PCDHGA8: variants seen among roughly 807,000 people sequenced by gnomAD.
The protein encoded by PCDHGA8 is protocadherin gamma-A8.
PCDHGA8 carries 45 observed loss-of-function variants against 59.2 expected under a neutral mutation model. That is an observed-to-expected ratio of 0.76 (90% CI 0.60 to 0.98). The LOEUF is 0.98. Ranked by LOEUF, PCDHGA8 falls within the 50% of genes least tolerant of loss-of-function variation. The pLI is 0.00. For missense variants in PCDHGA8, 1,257 were observed against 1,196.2 expected (o/e 1.05, Z -0.75); for synonymous variants, 531 against 519.0 (o/e 1.02, Z -0.32).
At chr5:141,501,147 G>A (rs1166199034) in intron 2 of PCDHGA8, among the ~76,000 whole-genome samples, 1 of 152,142 alleles carries the variant, frequency 6.6e-6, no homozygotes, top group Non-Finnish European at 1.5e-5. Context: ...GATTACAGGT[G>A]GGAGCCACCA....
intron 1 of PCDHGA8, chr5:141,414,273 G>A: frequency 6.2e-7 from 1 of 1,613,418 alleles, no homozygotes; most frequent in Non-Finnish European, 8.5e-7. Flanking sequence ...ATTCACCTCT[G>A]GGAACAGTCG....
At chr5:141,437,659 C>T (rs1006268414) in intron 1 of PCDHGA8, among the ~76,000 whole-genome samples, 10 of 151,870 alleles carry the variant, frequency 6.6e-5, no homozygotes, top group East Asian at 3.9e-4. Context: ...CACATAGTTT[C>T]GAAGAGATGT....
rs199658498 is a variant in PCDHGA8 at position 141,394,428 on chromosome 5, G to C, written c.1615G>C (p.Asp539His). 4 of 1,614,114 alleles carry C rather than the reference G, an allele frequency of 2.5e-6. No individual in the cohort carries two copies. In the East Asian group the frequency reaches 6.7e-5, roughly 27 times the overall value. Reference protein sequence around the residue: ...QLLVTASDSGDPPLSSNMSLS... With the variant: ...QLLVTASDSGHPPLSSNMSLS... ...ACTGGTAACAGCCAGCGACAGCGGGGACCCGCCCCTCAGCAGCAACATGTC... is the reference window on the plus strand; with the variant it reads ...ACTGGTAACAGCCAGCGACAGCGGGCACCCGCCCCTCAGCAGCAACATGTC... The change falls in exon 1 of 4, where the codon GAC becomes CAC. Residue 539 changes from aspartate (D) to histidine (H), a missense_variant. Coordinates refer to ENST00000398604, the MANE Select transcript of PCDHGA8 (RefSeq NM_032088.2).
chr5:141,425,057 C>T (rs926732426), intron 1 of PCDHGA8, among the ~76,000 whole-genome samples: 4 of 152,026 alleles, frequency 2.6e-5, no homozygotes, highest in African/African-American at 4.8e-5. Flanking sequence ...ATCTAGGGCT[C>T]GGACAAAAAT....
At position 141,485,565 on chromosome 5, in the gene PCDHGA8, C is replaced by T. The variant is rs1213821989; in HGVS notation, c.2425-9242C>T. The T allele has an allele frequency of 2.5e-6, 4 of 1,612,946 alleles. No homozygotes were observed. Among genetic ancestry groups the T allele is most frequent in the Non-Finnish European group, 2.5e-6 (3 of 1,179,042 alleles). On this transcript the variant is annotated intron_variant, in intron 1 of 3. Coordinates refer to ENST00000398604, the MANE Select transcript of PCDHGA8 (RefSeq NM_032088.2). The surrounding 1 kb of genome is among the most constrained non-coding windows in gnomAD (Gnocchi z 5.7). ...ATCGTAGATGTGAATGATCACGCCCCCCGTTTTCCGCGGCAGCAGCTGGAC... is the reference window on the plus strand; with the variant it reads ...ATCGTAGATGTGAATGATCACGCCCTCCGTTTTCCGCGGCAGCAGCTGGAC...
At chr5:141,481,913 C>CAA (rs34114744) in intron 1 of PCDHGA8, among the ~76,000 whole-genome samples, 26 of 90,736 alleles carry the variant, frequency 2.9e-4, no homozygotes, top group Non-Finnish European at 3.5e-4. Context: ...AACTCCATCT[C>CAA]AAAAAAAAAA....
In PCDHGA8 at chr5:141,512,501, G is replaced by A. The variant is rs1474842711; in HGVS notation, c.*1328G>A. The A allele has an allele frequency of 6.5e-6, 1 of 152,914 alleles. No homozygotes were observed. The highest frequency in any genetic ancestry group is 1.5e-5 in the Non-Finnish European group (1 of 68,258). The allele number at this position is 152,914 out of a possible 1,614,324, so 9.5% of individuals were successfully genotyped here. On this transcript the variant is annotated 3_prime_UTR_variant, in exon 4 of 4. Transcript: ENST00000398604. The stretch of plus-strand genomic sequence containing the variant: ...GAAGGCCACTGCCCAGGTCCCCAGT[G>A]CGCCCCCTAGTGGCCATAGCCTGGT...
intron 1 of PCDHGA8, among the ~76,000 whole-genome samples, chr5:141,483,648 TTGTGTGTG>T (rs111458813): frequency 6.7e-6 from 1 of 149,592 alleles, no homozygotes; most frequent in Non-Finnish European, 1.5e-5. Flanking sequence ...GGGTGTGTGT[TTGTGTGTG>T]TGTGTGTGTG....
chr5:141,401,356 G>A (rs1274587222), intron 1 of PCDHGA8, among the ~76,000 whole-genome samples: 1 of 152,070 alleles, frequency 6.6e-6, no homozygotes, highest in Non-Finnish European at 1.5e-5. Flanking sequence ...AAAAAGGAAG[G>A]AGAAGGAGAG....
At chr5:141,409,201 A>G (rs2095240333) in intron 1 of PCDHGA8, 1 of 1,614,044 alleles carries the variant, frequency 6.2e-7, no homozygotes, top group Non-Finnish European at 8.5e-7. Flanking sequence ...AGTGTAAAGT[A>G]ATCATAGAAA....
chr5:141,422,328 TGCTCTTCTAAA>T (rs2096641385), intron 1 of PCDHGA8: 1 of 1,548,384 alleles, frequency 6.5e-7, no homozygotes, highest in Admixed American at 2.1e-5. Flanking sequence ...GTACAGTGAT[TGCTCTTCTAAA>T]TGTGCAAGAT....
chr5:141,414,310 G>C, intron 1 of PCDHGA8: 1 of 1,613,722 alleles, frequency 6.2e-7, no homozygotes, highest in Non-Finnish European at 8.5e-7. Context: ...GCATGATTTA[G>C]ACTCTGAGCA....
chr5:141,456,633 C>CT (rs1229637837), intron 1 of PCDHGA8, among the ~76,000 whole-genome samples: 1 of 152,182 alleles, frequency 6.6e-6, no homozygotes, highest in Non-Finnish European at 1.5e-5. Context: ...CTCTTCTTTA[C>CT]TACAGGTGTT....
intron 1 of PCDHGA8, among the ~76,000 whole-genome samples, chr5:141,464,913 A>T (rs1035542028): frequency 1.3e-4 from 19 of 151,426 alleles, no homozygotes; most frequent in Admixed American, 1.2e-3. Context: ...TAATTTTTTT[A>T]TTTTTTTGTA....
intron 1 of PCDHGA8, chr5:141,430,711 C>T (rs2097304226): frequency 1.3e-6 from 2 of 1,483,856 alleles, no homozygotes; most frequent in African/African-American, 2.8e-5. Context: ...CTGCTCCTGA[C>T]TTCAGTGGTT....
chr5:141,488,690 G>A (rs1292736219), intron 1 of PCDHGA8, among the ~76,000 whole-genome samples: 1 of 152,186 alleles, frequency 6.6e-6, no homozygotes, highest in African/African-American at 2.4e-5. Flanking sequence ...TCTCCCAGAA[G>A]GACAAGATTT....
At chr5:141,415,081 C>T in intron 1 of PCDHGA8, 1 of 1,613,522 alleles carries the variant, frequency 6.2e-7, no homozygotes, top group Non-Finnish European at 8.5e-7. Context: ...GGCGCGAGCC[C>T]TGCTGGACAG....
In PCDHGA8 at chr5:141,408,415, G is replaced by A. The variant is rs554066897; in HGVS notation, c.2424+13178G>A. The A allele has an allele frequency of 1.8e-5, 29 of 1,614,074 alleles. 1 individual carries two copies. In the South Asian group the frequency reaches 2.9e-4, roughly 16 times the overall value. On this transcript the variant is annotated intron_variant, in intron 1 of 3. Coordinates refer to ENST00000398604, the MANE Select transcript of PCDHGA8 (RefSeq NM_032088.2). Reference sequence around the variant, plus strand: ...CTCGCAAGCTGCGAGTGAGCGCGGAGAAGCTGCACTTCAGCGTAGACGCGG... The same window carrying A: ...CTCGCAAGCTGCGAGTGAGCGCGGAAAAGCTGCACTTCAGCGTAGACGCGG...
intron 2 of PCDHGA8, among the ~76,000 whole-genome samples, chr5:141,496,097 A>C (rs1329818315): frequency 6.6e-6 from 1 of 151,148 alleles, no homozygotes; most frequent in Non-Finnish European, 1.5e-5. Context: ...CCACCCACCA[A>C]CACCCCGCTC....
Sources: gnomAD v4.1 joint callset for allele counts (sites outside exome capture counted in the v4.1 genomes callset) on GRCh38, gnomAD v4.1.1 for gene constraint, Gnocchi (gnomAD v3.1) non-coding constraint, MANE v1.5 for transcripts, NCBI Gene and HGNC (gene_info 2026-07-23, HGNC 2026-07-21) for gene names.